The following CSMD1 variants were observed in gnomAD, a reference collection of about 807,000 sequenced individuals.
CSMD1 encodes CUB and sushi domain-containing protein 1.
A neutral mutation model predicts 417.5 loss-of-function variants in CSMD1; 213 were observed. That is an observed-to-expected ratio of 0.51 (90% CI 0.46 to 0.57). The LOEUF (loss-of-function observed/expected upper bound fraction) is 0.57, where lower values mean the gene tolerates loss of function less well. Among genes scored for constraint, CSMD1 ranks in the 20% least tolerant of loss-of-function variants. The pLI is 0.00. For missense variants in CSMD1, 6,923 were observed against 4,529.7 expected (o/e 1.53, Z -15.17); for synonymous variants, 2,862 against 1,736.8 (o/e 1.65, Z -16.11).
intron 10 of CSMD1, among the ~76,000 whole-genome samples, chr8:3,526,290 AATAG>A (rs530019797): frequency 1.2e-4 from 19 of 152,022 alleles, no homozygotes; most frequent in Non-Finnish European, 7.3e-5. Context: ...AAGAAAAGCA[AATAG>A]ATATAGGCAA....
intron 33 of CSMD1, among the ~76,000 whole-genome samples, chr8:3,194,351 G>C (rs1255480626): frequency 6.6e-6 from 1 of 151,700 alleles, no homozygotes; most frequent in Non-Finnish European, 1.5e-5. Context: ...CCCAAACTGA[G>C]AAAAAAATAT....
chr8:3,572,943 T>C (rs2116930274), intron 10 of CSMD1, among the ~76,000 whole-genome samples: 1 of 152,332 alleles, frequency 6.6e-6, no homozygotes, highest in South Asian at 2.1e-4. Flanking sequence ...TTCTAATTAT[T>C]TAAAAGTGTG....
chr8:4,378,444 A>G (rs1402728316), intron 3 of CSMD1, among the ~76,000 whole-genome samples: 1 of 152,220 alleles, frequency 6.6e-6, no homozygotes, highest in Non-Finnish European at 1.5e-5. Context: ...AATCTCAAAA[A>G]TTATTCTCTG....
intron 3 of CSMD1, among the ~76,000 whole-genome samples, chr8:4,325,176 A>G (rs551105685): frequency 3.3e-5 from 5 of 152,160 alleles, no homozygotes; most frequent in African/African-American, 7.2e-5. Context: ...AAAAATAAAT[A>G]TAACAAAGGA....
intron 3 of CSMD1, among the ~76,000 whole-genome samples, chr8:4,291,480 C>T (rs893661137): frequency 1.3e-5 from 2 of 152,124 alleles, no homozygotes; most frequent in Admixed American, 6.6e-5. Context: ...TTTTTATCTA[C>T]TAATTCCCAG....
chr8:3,352,787 C>G (rs1004696405), intron 21 of CSMD1, among the ~76,000 whole-genome samples: 1 of 152,136 alleles, frequency 6.6e-6, no homozygotes, highest in East Asian at 1.9e-4. Context: ...TTGCAGTGAA[C>G]CAAGATCGTG....
intron 5 of CSMD1, among the ~76,000 whole-genome samples, chr8:3,812,104 T>C (rs1041930053): frequency 1.3e-5 from 2 of 152,130 alleles, no homozygotes; most frequent in African/African-American, 4.8e-5. Flanking sequence ...AGCTACACAA[T>C]AATTTCCTTA....
chr8:4,116,310 G>C (rs777111727), intron 3 of CSMD1, among the ~76,000 whole-genome samples: 3 of 152,038 alleles, frequency 2.0e-5, no homozygotes, highest in African/African-American at 7.2e-5. Context: ...AGAATCTTTA[G>C]GACGGTGAAA....
At chr8:4,878,905 G>GAGAGAACGACAAGGTGA in intron 1 of CSMD1, among the ~76,000 whole-genome samples, 1 of 151,738 alleles carries the variant, frequency 6.6e-6, no homozygotes, top group South Asian at 2.1e-4. Context: ...GCTCCGAGCA[G>GAGAGAACGACAAGGTGA]AGAGAACGAC....
At chr8:3,873,882 G>C (rs576434087) in intron 5 of CSMD1, among the ~76,000 whole-genome samples, 1 of 152,106 alleles carries the variant, frequency 6.6e-6, no homozygotes, top group Non-Finnish European at 1.5e-5. Flanking sequence ...AAGCCAGACT[G>C]GCTGAACTGG....
intron 5 of CSMD1, among the ~76,000 whole-genome samples, chr8:3,982,483 T>C (rs1476294589): frequency 6.6e-6 from 1 of 152,040 alleles, no homozygotes; most frequent in African/African-American, 2.4e-5. Context: ...ATATACTCCA[T>C]AAGGACCAGA....
At chr8:4,072,822 C>G (rs189889378) in intron 3 of CSMD1, among the ~76,000 whole-genome samples, 1 of 152,070 alleles carries the variant, frequency 6.6e-6, no homozygotes, top group Non-Finnish European at 1.5e-5. Flanking sequence ...TCAAGGCAGC[C>G]CAAAAGCCGT....
chr8:4,759,814 G>C lies in CSMD1; in HGVS notation c.86-122256C>G, dbSNP rs180762698. ...CAGTTTCTTTATCCAGTGTGTCACT[G>C]ATGGACATTTGGGTTGATTCCATGT... On this transcript the variant is annotated intron_variant, in intron 1 of 69. Coordinates refer to ENST00000635120, the MANE Select transcript of CSMD1 (RefSeq NM_033225.6). Among the ~76,000 whole-genome samples, 118 of 152,272 alleles carry C rather than the reference G, an allele frequency of 7.7e-4. 2 individuals are homozygous for C. The highest frequency in any genetic ancestry group is 2.1e-3 in the Admixed American group (32 of 15,288).
chr8:3,241,793 G>A (rs534254453), intron 26 of CSMD1, among the ~76,000 whole-genome samples: 2 of 152,252 alleles, frequency 1.3e-5, no homozygotes, highest in Admixed American at 1.3e-4. Context: ...GTGGAGGCAA[G>A]GAACTGCAAC....
intron 7 of CSMD1, among the ~76,000 whole-genome samples, chr8:3,635,565 G>A (rs896918678): frequency 2.0e-5 from 3 of 148,010 alleles, no homozygotes; most frequent in Non-Finnish European, 4.5e-5. Context: ...CTCACTGCAA[G>A]CTACACATCC....
Position 3,890,829 on chromosome 8 carries a change from T to C in CSMD1, c.818+107074A>G, listed in dbSNP as rs189495779. 9.3e-4 allele frequency among the ~76,000 whole-genome samples: 141 copies of C among 152,214 alleles called. 1 individual carries two copies. Among genetic ancestry groups the C allele is most frequent in the Middle Eastern group, 6.8e-3 (2 of 294 alleles). On this transcript the variant is annotated intron_variant, in intron 5 of 69. Transcript: ENST00000635120. ...TAAAATATAGTAATATCTGTTTAAA[T>C]AAAATGCTCATACTCAGTAAGTATA... is the stretch of plus-strand genomic sequence containing the variant.
chr8:3,196,686 C>A (rs774457945), intron 33 of CSMD1, among the ~76,000 whole-genome samples: 18 of 152,156 alleles, frequency 1.2e-4, no homozygotes, highest in Non-Finnish European at 2.1e-4. Flanking sequence ...GCAGGCAGGA[C>A]TCATGCCTGA....
chr8:3,308,972 C>A (rs1032916640), intron 23 of CSMD1, among the ~76,000 whole-genome samples: 1 of 152,040 alleles, frequency 6.6e-6, no homozygotes, highest in East Asian at 1.9e-4. Flanking sequence ...CAATCCACCC[C>A]CTCAGCCTCC....
At chr8:4,762,505 T>C (rs1379983353) in intron 1 of CSMD1, among the ~76,000 whole-genome samples, 2 of 152,142 alleles carry the variant, frequency 1.3e-5, no homozygotes, top group Admixed American at 6.5e-5. Flanking sequence ...TTTACATAGG[T>C]AAGCATATAT....
Sources: allele counts gnomAD v4.1 joint callset (sites outside exome capture counted in the v4.1 genomes callset), GRCh38; gene constraint gnomAD v4.1.1; transcripts MANE v1.5; gene names NCBI Gene and HGNC (gene_info 2026-07-23, HGNC 2026-07-21).